Variants in CHRM5 observed in about 807,000 individuals in gnomAD.
CHRM5 encodes the protein cholinergic receptor muscarinic 5.
Under a neutral mutation model 39.0 loss-of-function variants are expected in CHRM5, and 18 were observed. That is an observed-to-expected ratio of 0.46 (90% CI 0.32 to 0.68). The LOEUF (loss-of-function observed/expected upper bound fraction) is 0.68. Among genes scored for constraint, CHRM5 ranks in the 30% least tolerant of loss-of-function variants. CHRM5 has a pLI of 0.04. For missense variants in CHRM5, 515 were observed against 651.1 expected (o/e 0.79, Z 2.28); for synonymous variants, 241 against 246.3 (o/e 0.98, Z 0.20).
intron 1 of CHRM5, among the ~76,000 whole-genome samples, chr15:33,998,320 C>T (rs182450592): frequency 3.9e-5 from 6 of 152,156 alleles, no homozygotes; most frequent in Admixed American, 3.9e-4. Context: ...TTATTTCTCC[C>T]ACCTTTAAAA....
chr15:34,021,054 CTT>C (rs1898178765), intron 1 of CHRM5, among the ~76,000 whole-genome samples: 1 of 152,214 alleles, frequency 6.6e-6, no homozygotes, highest in African/African-American at 2.4e-5. Flanking sequence ...GCTTCTCTAG[CTT>C]TCCAGCATCT....
At chr15:34,003,074 A>T in intron 1 of CHRM5, 1 of 1,613,922 alleles carries the variant, frequency 6.2e-7, no homozygotes, top group South Asian at 1.1e-5. Context: ...CCCCTCTGTG[A>T]CTCTCCACTT....
rs1173075439 is a variant in CHRM5, at chr15:33,972,736, T to C, written c.-408+3586T>C. ...TTTTTGTAATCTTTGTTTGCAACAG[T>C]AGCCAAAAGACAAAGCAGACCAACT... is the stretch of plus-strand genomic sequence containing the variant. On this transcript the variant is annotated intron_variant, in intron 1 of 2. Transcript: ENST00000383263. 2.6e-5 allele frequency among the ~76,000 whole-genome samples: 4 copies of C among 152,162 alleles called. No individual in the cohort carries two copies. The East Asian group carries it at 5.8e-4, about 22-fold the overall frequency.
intron 1 of CHRM5, among the ~76,000 whole-genome samples, chr15:34,011,128 G>T (rs935658671): frequency 2.0e-5 from 3 of 152,030 alleles, no homozygotes; most frequent in Non-Finnish European, 4.4e-5. Context: ...AGAGCTCAAG[G>T]CTGCAGTAAG....
intron 1 of CHRM5, among the ~76,000 whole-genome samples, chr15:34,024,924 TG>T (rs1898385656): frequency 6.6e-6 from 1 of 151,856 alleles, no homozygotes; most frequent in Non-Finnish European, 1.5e-5. Flanking sequence ...GGCTCACACC[TG>T]TAATCCTAGC....
Position 34,062,812 on chromosome 15 carries a change from C to A in CHRM5, c.95C>A (p.Thr32Asn), listed in dbSNP as rs747729875. ...CGCCACAGGTTGTGGGAAGTCATCA[C>A]CATTGCAGCTGTGACTGCTGTGGTA... Reference protein sequence around the residue: ...LERHRLWEVITIAAVTAVVSL... With the variant: ...LERHRLWEVINIAAVTAVVSL... The change falls in exon 3 of 3, where the codon ACC becomes AAC. Residue 32 changes from threonine (T) to asparagine (N), a missense_variant. By Grantham distance (65) the Thr-to-Asn change is moderately conservative (BLOSUM62 0). Transcript: ENST00000383263. 1 of 1,614,224 alleles carries A rather than the reference C, an allele frequency of 6.2e-7. No homozygotes were observed. Among genetic ancestry groups the A allele is most frequent in the Non-Finnish European group, 8.5e-7 (1 of 1,180,050 alleles).
chr15:34,029,802 A>C (rs1898685154), intron 1 of CHRM5, among the ~76,000 whole-genome samples: 1 of 152,212 alleles, frequency 6.6e-6, no homozygotes, highest in Admixed American at 6.5e-5. Context: ...CTTCTTTAAT[A>C]ATATAAGACT....
intron 1 of CHRM5, among the ~76,000 whole-genome samples, chr15:34,010,035 T>C (rs1448684623): frequency 1.3e-5 from 2 of 151,980 alleles, no homozygotes; most frequent in African/African-American, 4.8e-5. Flanking sequence ...CTTCACAATA[T>C]ATGAAGCAAA....
At chr15:34,020,780 T>C (rs1440039937) in intron 1 of CHRM5, among the ~76,000 whole-genome samples, 1 of 152,214 alleles carries the variant, frequency 6.6e-6, no homozygotes, top group Admixed American at 6.5e-5. Flanking sequence ...ACACAAGATA[T>C]AATCTCCACA....
intron 1 of CHRM5, among the ~76,000 whole-genome samples, chr15:34,042,938 A>G (rs1333764419): frequency 6.6e-6 from 1 of 152,038 alleles, no homozygotes; most frequent in Non-Finnish European, 1.5e-5. Context: ...CAAGAAACCC[A>G]GTAATTCCTA....
At chr15:34,041,036 T>G (rs900059224) in intron 1 of CHRM5, among the ~76,000 whole-genome samples, 1 of 152,140 alleles carries the variant, frequency 6.6e-6, no homozygotes, top group South Asian at 2.1e-4. Context: ...AAGTTGAAGA[T>G]CCACACATTA....
intron 1 of CHRM5, among the ~76,000 whole-genome samples, chr15:34,015,233 C>T (rs916221931): frequency 3.9e-5 from 6 of 152,148 alleles, no homozygotes; most frequent in African/African-American, 7.2e-5. Flanking sequence ...CCTGTAATCC[C>T]AGCACTTTCG....
In CHRM5 at chr15:34,016,383, G is replaced by A. The variant is rs1271219297; in HGVS notation, c.-407-30157G>A. Among the ~76,000 whole-genome samples, 8 of 152,330 alleles carry A rather than the reference G, an allele frequency of 5.3e-5. No homozygotes were observed. The East Asian group carries it at 1.5e-3, about 29-fold the overall frequency. On this transcript the variant is annotated intron_variant, in intron 1 of 2. Coordinates refer to ENST00000383263, the MANE Select transcript of CHRM5 (RefSeq NM_012125.4). Reference sequence around the variant, plus strand: ...TAAACTTACAATACTAATAGACACTGAGTTGGGCTCGCATGGGTACTGACC... The same window carrying A: ...TAAACTTACAATACTAATAGACACTAAGTTGGGCTCGCATGGGTACTGACC...
chr15:34,006,806 A>G (rs1427212803), intron 1 of CHRM5, among the ~76,000 whole-genome samples: 2 of 152,240 alleles, frequency 1.3e-5, no homozygotes, highest in Non-Finnish European at 2.9e-5. Context: ...ATAATAAAAA[A>G]GTTTAGAAGA....
chr15:34,041,775 A>G, intron 1 of CHRM5, among the ~76,000 whole-genome samples: 1 of 152,180 alleles, frequency 6.6e-6, no homozygotes, highest in Non-Finnish European at 1.5e-5. Context: ...TATTATTCCT[A>G]TTTTACAGAT....
At chr15:34,031,365 G>A (rs1898809005) in intron 1 of CHRM5, among the ~76,000 whole-genome samples, 1 of 151,910 alleles carries the variant, frequency 6.6e-6, no homozygotes, top group Non-Finnish European at 1.5e-5. Context: ...AATAGCGACA[G>A]GGTTTCATCA....
chr15:33,976,493 G>A (rs1054699714), intron 1 of CHRM5, among the ~76,000 whole-genome samples: 6 of 152,112 alleles, frequency 3.9e-5, no homozygotes, highest in South Asian at 2.1e-4. Context: ...TGCCATGCCC[G>A]CATCAGATTT....
At chr15:34,023,542 G>A (rs372385779) in intron 1 of CHRM5, among the ~76,000 whole-genome samples, 1 of 152,154 alleles carries the variant, frequency 6.6e-6, no homozygotes, top group African/African-American at 2.4e-5. Context: ...TGCAAAACCT[G>A]AGATTCAGTG....
intron 1 of CHRM5, among the ~76,000 whole-genome samples, chr15:33,984,757 C>T (rs1240481537): frequency 6.6e-6 from 1 of 152,080 alleles, no homozygotes; most frequent in African/African-American, 2.4e-5. Flanking sequence ...AACATCTTCC[C>T]AGGACTTCGG....
Sources: gnomAD v4.1 joint callset for allele counts (sites outside exome capture counted in the v4.1 genomes callset) on GRCh38, gnomAD v4.1.1 for gene constraint, MANE v1.5 for transcripts, NCBI Gene and HGNC (gene_info 2026-07-23, HGNC 2026-07-21) for gene names.